ASAP2: variants seen among roughly 807,000 people sequenced by gnomAD.
The protein encoded by ASAP2 is ArfGAP with SH3 domain, ankyrin repeat and PH domain 2, also known as arf-GAP with SH3 domain, ANK repeat and PH domain-containing protein 2.
A neutral mutation model predicts 131.4 loss-of-function variants in ASAP2; 45 were observed. That is an observed-to-expected ratio of 0.34 (90% CI 0.27 to 0.44). ASAP2 has a LOEUF of 0.44. Ranked by LOEUF, ASAP2 falls within the 20% of genes least tolerant of loss-of-function variation. The pLI is 1.00. For synonymous variants in ASAP2, 510 were observed against 503.0 expected (o/e 1.01, Z -0.19); for missense variants, 1,011 against 1,297.0 (o/e 0.78, Z 3.39).
chr2:9,317,336 C>CTCAA (rs142364139), intron 3 of ASAP2, among the ~76,000 whole-genome samples: 146,068 of 148,784 alleles, frequency 0.98, 71,755 homozygotes, highest in Non-Finnish European at 1. Flanking sequence ...CATATCTTCA[C>CTCAA]TCACACACAC....
chr2:9,358,471 G>A (rs538598893), intron 14 of ASAP2, among the ~76,000 whole-genome samples: 11 of 152,306 alleles, frequency 7.2e-5, no homozygotes, highest in African/African-American at 2.6e-4. Flanking sequence ...AGGAGCCCTT[G>A]GTCACTGGAG....
intron 11 of ASAP2, among the ~76,000 whole-genome samples, chr2:9,349,424 A>G (rs182694385): frequency 6.6e-6 from 1 of 152,360 alleles, no homozygotes; most frequent in Non-Finnish European, 1.5e-5. Flanking sequence ...CCATGTTTCT[A>G]GAAATAGATC....
intron 6 of ASAP2, among the ~76,000 whole-genome samples, chr2:9,326,509 T>C (rs1172476399): frequency 6.6e-6 from 1 of 152,160 alleles, no homozygotes; most frequent in East Asian, 1.9e-4. Flanking sequence ...AAAAATAGTA[T>C]ATACTTTTAA....
chr2:9,216,280 A>G (rs1439675523), intron 1 of ASAP2, among the ~76,000 whole-genome samples: 1 of 142,232 alleles, frequency 7.0e-6, no homozygotes, highest in Admixed American at 7.0e-5. Flanking sequence ...ATGTCAGTTC[A>G]TATTTTTTTT....
chr2:9,324,829 A>G (rs571497997), intron 6 of ASAP2, among the ~76,000 whole-genome samples: 2 of 152,366 alleles, frequency 1.3e-5, no homozygotes, highest in Admixed American at 6.5e-5. Flanking sequence ...TATCACTTAT[A>G]GATAATATAT....
At chr2:9,313,410 C>T (rs1669439763) in intron 3 of ASAP2, among the ~76,000 whole-genome samples, 1 of 152,210 alleles carries the variant, frequency 6.6e-6, no homozygotes, top group African/African-American at 2.4e-5. Context: ...CCCACTCACT[C>T]GTGTACATTC....
intron 7 of ASAP2, 143 bp downstream of exon 7, chr2:9,328,054 G>A (rs1011526522): frequency 1.2e-4 from 65 of 563,502 alleles, no homozygotes; most frequent in Admixed American, 1.7e-4. Context: ...GCGACAACAC[G>A]GGTAAACATT....
chr2:9,390,771 T>G (rs1675656256), intron 22 of ASAP2, among the ~76,000 whole-genome samples: 1 of 152,202 alleles, frequency 6.6e-6, no homozygotes, highest in Non-Finnish European at 1.5e-5. Context: ...TTTATTTCCT[T>G]CTTCAAATGA....
chr2:9,206,843 G>A lies in ASAP2; in HGVS notation c.-262G>A, dbSNP rs1661136335. 2 of 150,660 alleles carry A rather than the reference G, an allele frequency of 1.3e-5. No individual in the cohort carries two copies. 9.3% of individuals were successfully genotyped at this position (150,660 alleles called of 1,614,324 possible). A position where few individuals can be genotyped will look rare whatever the true frequency, so the allele number is the denominator to read the frequency against. ...CGCCGGCTGTGCGCGCCCGCCTCGG[G>A]GCTCGCTCTGAGAGGACGCGGCGGC... On this transcript the variant is annotated 5_prime_UTR_variant, in exon 1 of 28. Transcript: ENST00000281419. The surrounding 1 kb of genome is among the most constrained non-coding windows in gnomAD (Gnocchi z 4.0).
At chr2:9,235,025 C>T (rs1047431566) in intron 1 of ASAP2, among the ~76,000 whole-genome samples, 68 of 152,086 alleles carry the variant, frequency 4.5e-4, no homozygotes, top group African/African-American at 1.6e-3. Flanking sequence ...ACGGCCCAGC[C>T]TTCTGCTTGC....
At position 9,394,191 on chromosome 2, in the gene ASAP2, G is replaced by A. The variant is rs188674094; in HGVS notation, c.2684+544G>A. On this transcript the variant is annotated intron_variant, in intron 24 of 27. Coordinates refer to ENST00000281419, the MANE Select transcript of ASAP2 (RefSeq NM_003887.3). ...TTTTTTTTTTTTTTTTTGAGACTGA[G>A]TCTAGCTCTGTCACCCAGGCTGGAG... Among the ~76,000 whole-genome samples, 950 of 117,474 alleles carry A rather than the reference G, an allele frequency of 8.1e-3. 11 individuals are homozygous for A. The highest frequency in any genetic ancestry group is 0.023 in the Admixed American group (211 of 9,284). The allele number at this position is 117,474 out of a possible 152,430, so 77.1% of individuals were successfully genotyped here.
intron 5 of ASAP2, among the ~76,000 whole-genome samples, chr2:9,322,133 A>G (rs1670186544): frequency 6.6e-6 from 1 of 152,190 alleles, no homozygotes; most frequent in Non-Finnish European, 1.5e-5. Context: ...GCATAGACTC[A>G]TTAAACAACA....
intron 1 of ASAP2, among the ~76,000 whole-genome samples, chr2:9,209,915 C>T (rs1661413546): frequency 1.3e-5 from 2 of 152,166 alleles, no homozygotes; most frequent in Admixed American, 1.3e-4. Context: ...CTGTTATTTC[C>T]AATGTAGGTT....
At chr2:9,358,978 T>C (rs1672900848) in intron 15 of ASAP2, 89 bp downstream of exon 15, 3 of 1,445,604 alleles carry the variant, frequency 2.1e-6, no homozygotes, top group Non-Finnish European at 2.8e-6. Context: ...TTTGGTAAGC[T>C]AGTGGTTGTT....
chr2:9,208,410 G>GT (rs1558234532), intron 1 of ASAP2, among the ~76,000 whole-genome samples: 211 of 145,424 alleles, frequency 1.5e-3, no homozygotes, highest in African/African-American at 4.9e-3. Context: ...TTTTTTTTCT[G>GT]GTTTTTTTTT....
At chr2:9,337,197 G>C (rs1248871301) in intron 9 of ASAP2, among the ~76,000 whole-genome samples, 1 of 152,172 alleles carries the variant, frequency 6.6e-6, no homozygotes, top group Non-Finnish European at 1.5e-5. Context: ...CTGCCCAGTT[G>C]GCTCCTTGTC....
chr2:9,253,429 G>C (rs1415762152), intron 1 of ASAP2, among the ~76,000 whole-genome samples: 3 of 151,370 alleles, frequency 2.0e-5, no homozygotes, highest in Non-Finnish European at 4.4e-5. Context: ...TTCCCAAAGT[G>C]CTAGGATTAC....
chr2:9,254,077 G>A lies in ASAP2; in HGVS notation c.127-25240G>A, dbSNP rs930555647. On this transcript the variant is annotated intron_variant, in intron 1 of 27. Transcript: ENST00000281419. ...AAAAATTAGCCGGGCGTGGTGGCACGTTCCTGTAGTCCCAGTTACTCAGGA... is the reference window on the plus strand; with the variant it reads ...AAAAATTAGCCGGGCGTGGTGGCACATTCCTGTAGTCCCAGTTACTCAGGA... Among the ~76,000 whole-genome samples, 11 of 150,292 alleles carry A rather than the reference G, an allele frequency of 7.3e-5. No homozygotes were observed. In the South Asian group the frequency reaches 1.7e-3, roughly 23 times the overall value.
chr2:9,291,821 G>A (rs190709867), intron 2 of ASAP2, among the ~76,000 whole-genome samples: 175 of 152,238 alleles, frequency 1.1e-3, no homozygotes, highest in African/African-American at 3.9e-3. Flanking sequence ...CCCTGCCTTC[G>A]TTCTGTTATG....
Sources: allele counts gnomAD v4.1 joint callset (sites outside exome capture counted in the v4.1 genomes callset), GRCh38; gene constraint gnomAD v4.1.1; non-coding constraint Gnocchi (gnomAD v3.1); transcripts MANE v1.5; gene names NCBI Gene and HGNC (gene_info 2026-07-23, HGNC 2026-07-21).